Variants in TNR observed in about 807,000 individuals in gnomAD.
TNR encodes tenascin R.
A neutral mutation model predicts 150.4 loss-of-function variants in TNR; 45 were observed. That is an observed-to-expected ratio of 0.30 (90% CI 0.24 to 0.38). TNR has a LOEUF of 0.38. Among genes scored for constraint, TNR ranks in the 10% least tolerant of loss-of-function variants. The pLI, the probability that TNR is intolerant of heterozygous loss-of-function variation, is 1.00. For synonymous variants in TNR, 687 were observed against 678.4 expected (o/e 1.01, Z -0.20); for missense variants, 1,544 against 1,759.1 (o/e 0.88, Z 2.19).
intron 2 of TNR, among the ~76,000 whole-genome samples, chr1:175,485,344 A>G (rs1177613307): frequency 6.6e-6 from 1 of 152,182 alleles, no homozygotes; most frequent in Admixed American, 6.5e-5. Context: ...TAAGTAGCAA[A>G]GAATGCATTT....
chr1:175,598,591 T>C (rs1663103649), intron 1 of TNR, among the ~76,000 whole-genome samples: 1 of 152,212 alleles, frequency 6.6e-6, no homozygotes, highest in African/African-American at 2.4e-5. Flanking sequence ...ATGCGTGAAA[T>C]GGCATGGTGA....
At chr1:175,546,790 A>G (rs1464019764) in intron 1 of TNR, among the ~76,000 whole-genome samples, 1 of 152,112 alleles carries the variant, frequency 6.6e-6, no homozygotes, top group African/African-American at 2.4e-5. Flanking sequence ...TCCATTGTAA[A>G]TAAAGATATG....
chr1:175,354,688 G>T (rs1399096401), intron 17 of TNR, among the ~76,000 whole-genome samples, 165 bp from the exon 18 acceptor site: 1 of 152,250 alleles, frequency 6.6e-6, no homozygotes, highest in African/African-American at 2.4e-5. Context: ...AATAAGCAGA[G>T]AGGAGAGCTC....
chr1:175,459,012 CCAT>C (rs955653401), intron 2 of TNR, among the ~76,000 whole-genome samples: 20 of 151,816 alleles, frequency 1.3e-4, no homozygotes, highest in African/African-American at 4.6e-4. Flanking sequence ...ACCACTACCA[CCAT>C]CATCATTAAC....
chr1:175,397,866 C>T (rs859447), intron 4 of TNR, among the ~76,000 whole-genome samples: 67,167 of 152,052 alleles, frequency 0.44, 15,110 homozygotes, highest in East Asian at 0.62. Context: ...ATTAAATAAT[C>T]AAGCCTTTAA....
At chr1:175,524,450 T>C (rs1377567956) in intron 2 of TNR, among the ~76,000 whole-genome samples, 1 of 151,774 alleles carries the variant, frequency 6.6e-6, no homozygotes, top group Admixed American at 6.6e-5. Flanking sequence ...AGACCAAGTA[T>C]TGTTTACAAG....
intron 2 of TNR, among the ~76,000 whole-genome samples, chr1:175,512,184 G>T (rs1054138144): frequency 7.2e-5 from 11 of 152,172 alleles, no homozygotes; most frequent in African/African-American, 2.7e-4. Context: ...GAACTATCTG[G>T]GGAAAGTGAG....
chr1:175,354,275 G>A, intron 18 of TNR, 116 bp downstream of exon 18: 1 of 1,360,336 alleles, frequency 7.4e-7, no homozygotes, highest in Non-Finnish European at 9.9e-7. Context: ...AAAGAAGGAG[G>A]AGGCAACTGA....
chr1:175,661,433 G>A (rs1437630809), intron 1 of TNR, among the ~76,000 whole-genome samples: 3 of 152,156 alleles, frequency 2.0e-5, no homozygotes, highest in African/African-American at 4.8e-5. Flanking sequence ...GGGTGAGGCC[G>A]TGGAGGAGCA....
intron 2 of TNR, among the ~76,000 whole-genome samples, chr1:175,507,210 G>A (rs536997674): frequency 2.0e-5 from 3 of 152,214 alleles, no homozygotes; most frequent in African/African-American, 7.2e-5. Context: ...GCAGTGTCTG[G>A]GGATACAGGC....
At chr1:175,433,023 C>T (rs1396344069) in intron 2 of TNR, among the ~76,000 whole-genome samples, 2 of 152,162 alleles carry the variant, frequency 1.3e-5, no homozygotes, top group Non-Finnish European at 2.9e-5. Context: ...TTCCTTCTTC[C>T]TGTTGACTGG....
chr1:175,454,719 G>A (rs1023317103), intron 2 of TNR, among the ~76,000 whole-genome samples: 4 of 152,244 alleles, frequency 2.6e-5, no homozygotes, highest in African/African-American at 7.2e-5. Context: ...TGATCCACCC[G>A]CCTCGGCCTC....
At chr1:175,364,753 C>A (rs930473426) in intron 12 of TNR, among the ~76,000 whole-genome samples, 1 of 152,196 alleles carries the variant, frequency 6.6e-6, no homozygotes, top group Admixed American at 6.5e-5. Flanking sequence ...AGTGGGAGGT[C>A]TTTTGGACAA....
At chr1:175,687,087 A>G (rs1456817287) in intron 1 of TNR, among the ~76,000 whole-genome samples, 2 of 152,178 alleles carry the variant, frequency 1.3e-5, no homozygotes, top group African/African-American at 4.8e-5. Context: ...ATCTATGCTC[A>G]GCCCCAGACA....
intron 1 of TNR, among the ~76,000 whole-genome samples, chr1:175,620,023 A>C (rs1214427246): frequency 6.6e-6 from 1 of 152,246 alleles, no homozygotes; most frequent in East Asian, 1.9e-4. Context: ...GGGGAGAATT[A>C]AATGGAAGGT....
In TNR at chr1:175,331,061, CTTT is replaced by C. The variant is rs1557867824; in HGVS notation, c.3632-829_3632-827del. Among the ~76,000 whole-genome samples the C allele has an allele frequency of 1.3e-3, 161 of 126,776 alleles. 2 individuals are homozygous for C. Among genetic ancestry groups the C allele is most frequent in the African/African-American group, 2.6e-3 (80 of 30,864 alleles). 83.2% of individuals were successfully genotyped at this position (126,776 alleles called of 152,430 possible). On this transcript the variant is annotated intron_variant, in intron 20 of 22. Transcript: ENST00000367674. The stretch of plus-strand genomic sequence containing the variant: ...TCTTTCTTTCTTTCTTTCTTTCTTT[CTTT>C]CTTTCTTTCTTTCCTTCTTTCTTTC...
intron 2 of TNR, among the ~76,000 whole-genome samples, chr1:175,437,238 C>T (rs1416225785): frequency 2.0e-5 from 3 of 152,188 alleles, no homozygotes; most frequent in Non-Finnish European, 4.4e-5. Context: ...CAAAACCGCT[C>T]AACTACATGA....
intron 1 of TNR, among the ~76,000 whole-genome samples, chr1:175,739,600 C>T (rs1244899112): frequency 2.0e-5 from 3 of 152,152 alleles, no homozygotes; most frequent in Admixed American, 6.5e-5. Flanking sequence ...AGAGTACTAC[C>T]TCACCCAGCC....
At chr1:175,386,820 A>T (rs942704367) in intron 7 of TNR, among the ~76,000 whole-genome samples, 1 of 152,246 alleles carries the variant, frequency 6.6e-6, no homozygotes. Flanking sequence ...CAGTCAACAC[A>T]GTTGCTAAGA....
Sources: allele counts gnomAD v4.1 joint callset (sites outside exome capture counted in the v4.1 genomes callset), GRCh38; gene constraint gnomAD v4.1.1; transcripts MANE v1.5; gene names NCBI Gene and HGNC (gene_info 2026-07-23, HGNC 2026-07-21).